ANAPC5: variants seen among roughly 807,000 people sequenced by gnomAD.
The protein encoded by ANAPC5 is anaphase-promoting complex subunit 5.
A neutral mutation model predicts 91.3 loss-of-function variants in ANAPC5; 60 were observed. That is an observed-to-expected ratio of 0.66 (90% CI 0.53 to 0.81). ANAPC5 has a LOEUF of 0.81. Among genes scored for constraint, ANAPC5 ranks in the 40% least tolerant of loss-of-function variants. ANAPC5 has a pLI of 0.00. For missense variants in ANAPC5, 690 were observed against 931.5 expected (o/e 0.74, Z 3.37); for synonymous variants, 340 against 364.1 (o/e 0.93, Z 0.75).
At chr12:121,315,325 G>A (rs1238051926) in intron 15 of ANAPC5, among the ~76,000 whole-genome samples, 1 of 152,190 alleles carries the variant, frequency 6.6e-6, no homozygotes, top group African/African-American at 2.4e-5. Context: ...CTGTGTTCAT[G>A]GGTTGGAAGA....
At position 121,352,349 on chromosome 12, in the gene ANAPC5, G is replaced by A. The variant is rs1238196274; in HGVS notation, c.-9C>T. The stretch of plus-strand genomic sequence containing the variant: ...TCGTGGACGCTGGCCATGGCGGCCC[G>A]AGACTAAGTCTCGGGCCCGCGGCGC... On this transcript the variant is annotated 5_prime_UTR_variant, in exon 1 of 17. Transcript: ENST00000261819. The A allele has an allele frequency of 6.3e-6, 10 of 1,591,156 alleles. No individual in the cohort carries two copies. The African/African-American group carries it at 9.6e-5, about 15-fold the overall frequency.
intron 11 of ANAPC5, 150 bp from the exon 12 acceptor site, chr12:121,320,609 C>T (rs1486711781): frequency 1.1e-5 from 5 of 450,460 alleles, no homozygotes; most frequent in Non-Finnish European, 1.9e-5. Flanking sequence ...TCTTTTCTTT[C>T]TTTTTTTTTT....
chr12:121,309,897 C>T (rs371839663), intron 15 of ANAPC5, 34 bp from the exon 16 acceptor site: 219 of 1,555,820 alleles, frequency 1.4e-4, no homozygotes, highest in Non-Finnish European at 1.8e-4. Context: ...TGTACATACC[C>T]AAACCCACTG....
At chr12:121,335,777 A>G (rs1903211861) in intron 6 of ANAPC5, 54 bp from the exon 7 acceptor site, 1 of 1,436,500 alleles carries the variant, frequency 7.0e-7, no homozygotes, top group African/African-American at 1.4e-5. Flanking sequence ...CTCTGGTGTA[A>G]GACAACTGCA....
chr12:121,309,986 A>G, intron 15 of ANAPC5, 123 bp from the exon 16 acceptor site: 1 of 910,448 alleles, frequency 1.1e-6, no homozygotes, highest in Non-Finnish European at 1.6e-6. Context: ...CCTGACATGT[A>G]CTACGTTAAA....
rs782744057 is a variant in ANAPC5, at chr12:121,330,742, T to G, written c.1033-70A>C. On this transcript the variant is annotated intron_variant, in intron 8 of 16. Transcript: ENST00000261819. ...CTGATGTTCTAGTGAAATATCAATGTGGTCATAAGAAAGAATTTAAAAGGG... is the reference window on the plus strand; with the variant it reads ...CTGATGTTCTAGTGAAATATCAATGGGGTCATAAGAAAGAATTTAAAAGGG... The G allele has an allele frequency of 3.1e-6, 4 of 1,273,282 alleles. No individual in the cohort carries two copies. In the African/African-American group the frequency reaches 4.4e-5, roughly 14 times the overall value. 78.9% of individuals were successfully genotyped at this position (1,273,282 alleles called of 1,614,324 possible).
At chr12:121,338,761 C>T (rs1435928084) in intron 5 of ANAPC5, among the ~76,000 whole-genome samples, 1 of 151,346 alleles carries the variant, frequency 6.6e-6, no homozygotes, top group African/African-American at 2.5e-5. Flanking sequence ...AGTCTTTGTT[C>T]TGTATGTGTG....
intron 7 of ANAPC5, chr12:121,333,589 A>AT (rs1218134939): frequency 2.0e-5 from 3 of 152,176 alleles, no homozygotes; most frequent in Non-Finnish European, 2.9e-5. Flanking sequence ...AGCCTTAAAT[A>AT]TTTTTGGGTA....
In ANAPC5 at chr12:121,316,732, C is replaced by CAAAAA. The variant is rs35989752; in HGVS notation, c.1893+1540_1893+1544dup. Reference sequence around the variant, plus strand: ...TGGGTGACAGAGCGAGACTCTGTCTCAAAAAAAAAAAAAAAAAAAAAAAAA... The same window carrying CAAAAA: ...TGGGTGACAGAGCGAGACTCTGTCTCAAAAAAAAAAAAAAAAAAAAAAAAAAAAAA... On this transcript the variant is annotated intron_variant, in intron 15 of 16. Transcript: ENST00000261819. Among the ~76,000 whole-genome samples the CAAAAA allele has an allele frequency of 6.9e-4, 20 of 28,954 alleles. 1 individual carries two copies. Among genetic ancestry groups the CAAAAA allele is most frequent in the South Asian group, 3.2e-3 (2 of 630 alleles). 19.0% of individuals were successfully genotyped at this position (28,954 alleles called of 152,430 possible).
chr12:121,317,519 T>C (rs548642455), intron 15 of ANAPC5, among the ~76,000 whole-genome samples: 1 of 152,076 alleles, frequency 6.6e-6, no homozygotes, highest in South Asian at 2.1e-4. Flanking sequence ...CCCAAAGTGC[T>C]GGGATTATAG....
intron 15 of ANAPC5, chr12:121,318,056 T>C (rs946822226): frequency 1.0e-5 from 4 of 395,936 alleles, no homozygotes; most frequent in Non-Finnish European, 1.8e-5. Context: ...CCTTACTGAA[T>C]ACACAGCTCA....
intron 3 of ANAPC5, 83 bp from the exon 4 acceptor site, chr12:121,346,114 G>C (rs1305858942): frequency 4.7e-5 from 52 of 1,110,858 alleles, no homozygotes; most frequent in Non-Finnish European, 5.8e-5. Flanking sequence ...GGCAATGACT[G>C]TCTGCTGGAA....
At chr12:121,322,847 AC>A (rs1902674627) in intron 11 of ANAPC5, among the ~76,000 whole-genome samples, 1 of 151,906 alleles carries the variant, frequency 6.6e-6, no homozygotes, top group Admixed American at 6.6e-5. Context: ...ACATGGTGAA[AC>A]CCCATCTCGA....
chr12:121,318,886 G>A (rs1267459633), intron 13 of ANAPC5, among the ~76,000 whole-genome samples: 1 of 152,082 alleles, frequency 6.6e-6, no homozygotes, highest in African/African-American at 2.4e-5. Flanking sequence ...TGGGCGTAGT[G>A]GTGGGCACCT....
intron 15 of ANAPC5, among the ~76,000 whole-genome samples, chr12:121,312,384 T>C (rs1902199799): frequency 1.3e-5 from 2 of 151,528 alleles, no homozygotes; most frequent in South Asian, 4.2e-4. Flanking sequence ...GCCAACATGA[T>C]GAAACCCCAT....
intron 1 of ANAPC5, chr12:121,351,281 G>A (rs181694460): frequency 1.1e-3 from 366 of 319,812 alleles, no homozygotes; most frequent in African/African-American, 7.7e-3. Context: ...GCTGAGGTGG[G>A]AGGATCACCT....
At position 121,345,960 on chromosome 12, in the gene ANAPC5, C is replaced by T. The variant is rs1218811701; in HGVS notation, c.469G>A (p.Ala157Thr). The T allele has an allele frequency of 6.2e-7, 1 of 1,614,086 alleles. No homozygotes were observed. Among genetic ancestry groups the T allele is most frequent in the Admixed American group, 1.7e-5 (1 of 60,006 alleles). Reference sequence around the variant, plus strand: ...CCATTCTGGAAGTACTGCTGAAGGGCAGTGTACAGTTTAAACACTTGGCTG... The same window carrying T: ...CCATTCTGGAAGTACTGCTGAAGGGTAGTGTACAGTTTAAACACTTGGCTG... ...SFSQVFKLYT[A>T]LQQYFQNGEK... The change falls in exon 4 of 17, where the codon GCC (alanine) becomes ACC (threonine). Residue 157 changes from alanine to threonine, a missense_variant. Physicochemically the swap from Ala to Thr is moderately conservative, Grantham distance 58 (BLOSUM62 0). Around this residue, in one of 5 missense-constraint regions of ANAPC5, gnomAD observed 238 missense variants for 264.9 expected, o/e 0.90. Transcript: ENST00000261819.
intron 4 of ANAPC5, among the ~76,000 whole-genome samples, chr12:121,343,106 A>C (rs543137179): frequency 6.6e-6 from 1 of 152,300 alleles, no homozygotes; most frequent in South Asian, 2.1e-4. Flanking sequence ...AATATATTGG[A>C]TTATACATAA....
chr12:121,333,482 A>C (rs1347475320), intron 7 of ANAPC5: 1 of 152,222 alleles, frequency 6.6e-6, no homozygotes, highest in Non-Finnish European at 1.5e-5. Flanking sequence ...AAAAAAAGAA[A>C]GGCTCTGATC....
Sources: allele counts gnomAD v4.1 joint callset (sites outside exome capture counted in the v4.1 genomes callset), GRCh38; gene constraint gnomAD v4.1.1; regional missense constraint gnomAD v4.1.1; transcripts MANE v1.5; gene names NCBI Gene and HGNC (gene_info 2026-07-23, HGNC 2026-07-21).